Variants in OSBPL3 observed in about 807,000 individuals in gnomAD.
The protein encoded by OSBPL3 is oxysterol binding protein like 3.
A neutral mutation model predicts 120.1 loss-of-function variants in OSBPL3; 65 were observed. The ratio of observed to expected loss-of-function variants is 0.54; its 90% CI spans 0.44 to 0.67. The LOEUF (loss-of-function observed/expected upper bound fraction) is 0.67, where lower values mean the gene tolerates loss of function less well. OSBPL3 is among the 30% of genes least tolerant of loss of function. The probability of loss-of-function intolerance (pLI) is 0.00; values close to 1 mark genes in which losing one functional copy is unlikely to be tolerated. For missense variants in OSBPL3, 1,004 were observed against 1,082.1 expected (o/e 0.93, Z 1.01); for synonymous variants, 416 against 402.6 (o/e 1.03, Z -0.40).
intron 1 of OSBPL3, among the ~76,000 whole-genome samples, chr7:24,970,748 A>G (rs1425617514): frequency 6.6e-6 from 1 of 152,202 alleles, no homozygotes; most frequent in Non-Finnish European, 1.5e-5. Context: ...TAATAAAACG[A>G]AAATGTCTGG....
rs556017301 is a variant in OSBPL3, at chr7:24,940,839, T to A, written c.-150+39047A>T. Among the ~76,000 whole-genome samples, 22 of 151,180 alleles carry A rather than the reference T, an allele frequency of 1.5e-4. No homozygotes were observed. Among genetic ancestry groups the A allele is most frequent in the East Asian group, 5.9e-4 (3 of 5,102 alleles). On this transcript the variant is annotated intron_variant, in intron 1 of 22. Transcript: ENST00000313367. This position sits in a 1 kb window ranked among gnomAD's most constrained non-coding sequence, Gnocchi z 4.4. ...TTTTCTTTTTTTTTTTGTGTGTGTG[T>A]GACGGAGTCTCGCTCTGTCGCCCAG...
chr7:24,979,278 T>C (rs73276298), intron 1 of OSBPL3, among the ~76,000 whole-genome samples: 37 of 115,370 alleles, frequency 3.2e-4, no homozygotes, highest in African/African-American at 9.8e-4. Context: ...ACAGTAGTAA[T>C]TGGAAACTAA....
Position 24,947,970 on chromosome 7 carries a change from A to G in OSBPL3, c.-150+31916T>C, listed in dbSNP as rs1029109834. Among the ~76,000 whole-genome samples the G allele has an allele frequency of 1.3e-5, 2 of 152,196 alleles. No individual in the cohort carries two copies. The highest frequency in any genetic ancestry group is 2.4e-5 in the African/African-American group (1 of 41,432). On this transcript the variant is annotated intron_variant, in intron 1 of 22. Transcript: ENST00000313367. This position sits in a 1 kb window ranked among gnomAD's most constrained non-coding sequence, Gnocchi z 4.4. ...ATTAAGCTTTAAGAATGATTTTTTT[A>G]ATCCAATGTTCATTTCTAAATCTTT...
At chr7:24,866,318 C>T in intron 5 of OSBPL3, 81 bp from the exon 6 acceptor site, 1 of 1,023,060 alleles carries the variant, frequency 9.8e-7, no homozygotes, top group Non-Finnish European at 1.5e-6. Flanking sequence ...TGAGGCCACT[C>T]TCAAAATCCT....
At chr7:24,838,616 T>A (rs572625093) in intron 14 of OSBPL3, among the ~76,000 whole-genome samples, 3 of 152,306 alleles carry the variant, frequency 2.0e-5, no homozygotes, top group African/African-American at 7.2e-5. Flanking sequence ...GCTGTGGACT[T>A]AGGTTCTGAA....
At position 24,863,235 on chromosome 7, in the gene OSBPL3, T is replaced by C. The variant is rs1303038000; in HGVS notation, c.835A>G (p.Arg279Gly). The part of the protein sequence containing the change: ...EKRSHRRWRS[R>G]AIGKDAKGTL... Reference sequence around the variant, plus strand: ...CCTTTAGCATCTTTGCCAATAGCTCTGGACCGCCACCTCCTGTGCGATCTT... The same window carrying C: ...CCTTTAGCATCTTTGCCAATAGCTCCGGACCGCCACCTCCTGTGCGATCTT... The change falls in exon 9 of 23, where the codon AGA becomes GGA. Residue 279 changes from arginine to glycine, a missense_variant. By Grantham distance (125) the Arg-to-Gly change is moderately radical. Transcript: ENST00000313367. This position sits in a 1 kb window ranked among gnomAD's most constrained non-coding sequence, Gnocchi z 5.8. 2 of 1,614,216 alleles carry C rather than the reference T, an allele frequency of 1.2e-6. No individual in the cohort carries two copies. The highest frequency in any genetic ancestry group is 1.7e-6 in the Non-Finnish European group (2 of 1,180,000).
chr7:24,975,737 G>C (rs1013406046), intron 1 of OSBPL3, among the ~76,000 whole-genome samples: 1 of 152,036 alleles, frequency 6.6e-6, no homozygotes, highest in African/African-American at 2.4e-5. Flanking sequence ...AAGGAAGGAA[G>C]GACATCAGCA....
chr7:24,823,514 A>C (rs1015800719), intron 16 of OSBPL3, among the ~76,000 whole-genome samples: 8 of 152,202 alleles, frequency 5.3e-5, no homozygotes, highest in African/African-American at 1.9e-4. Flanking sequence ...TAAAGGTAGC[A>C]CTCCAAACCT....
intron 1 of OSBPL3, among the ~76,000 whole-genome samples, chr7:24,929,839 C>T (rs1229306955): frequency 2.0e-5 from 3 of 152,144 alleles, no homozygotes; most frequent in Non-Finnish European, 4.4e-5. Context: ...GCTCACTAAG[C>T]TTTAAATTGT....
chr7:24,945,581 T>C (rs1166651911), intron 1 of OSBPL3, among the ~76,000 whole-genome samples: 3 of 152,218 alleles, frequency 2.0e-5, no homozygotes, highest in Non-Finnish European at 4.4e-5. Flanking sequence ...CCAAATGTGG[T>C]TGAACATGTT....
Position 24,806,225 on chromosome 7 carries a change from G to T in OSBPL3, c.2444+551C>A. ...GCCCGCTTCGGCCTCCCAAAGTGTT[G>T]TTTGTTTTTAATAAAGCCAAATGTA... On this transcript the variant is annotated intron_variant, in intron 21 of 22. Transcript: ENST00000313367. The surrounding 1 kb of genome is among the most constrained non-coding windows in gnomAD (Gnocchi z 5.2). Among the ~76,000 whole-genome samples, 1 of 152,234 alleles carries T rather than the reference G, an allele frequency of 6.6e-6. No homozygotes were observed. The highest frequency in any genetic ancestry group is 1.9e-4 in the East Asian group (1 of 5,202).
At chr7:24,921,997 C>T (rs781712650) in intron 1 of OSBPL3, among the ~76,000 whole-genome samples, 2 of 152,220 alleles carry the variant, frequency 1.3e-5, no homozygotes, top group African/African-American at 4.8e-5. Context: ...TTTTTCACCA[C>T]CTTTATGTCT....
At position 24,871,374 on chromosome 7, in the gene OSBPL3, G is replaced by A. The variant is rs1214322037; in HGVS notation, c.267+368C>T. Reference sequence around the variant, plus strand: ...AACTGCCTGGGATTAATTTGAAAAGGAACTTCTTCACCCAGGGGCTTCTCC... The same window carrying A: ...AACTGCCTGGGATTAATTTGAAAAGAAACTTCTTCACCCAGGGGCTTCTCC... On this transcript the variant is annotated intron_variant, in intron 4 of 22. Transcript: ENST00000313367. The surrounding 1 kb of genome is among the most constrained non-coding windows in gnomAD (Gnocchi z 4.8). Among the ~76,000 whole-genome samples the A allele has an allele frequency of 6.6e-6, 1 of 152,148 alleles. No individual in the cohort carries two copies. Among genetic ancestry groups the A allele is most frequent in the Non-Finnish European group, 1.5e-5 (1 of 68,006 alleles).
intron 1 of OSBPL3, among the ~76,000 whole-genome samples, chr7:24,914,518 A>G (rs1809277896): frequency 6.6e-6 from 1 of 152,118 alleles, no homozygotes; most frequent in Admixed American, 6.5e-5. Context: ...ATTCTAAACC[A>G]CTTATTTTCT....
At chr7:24,945,695 T>G (rs1813643151) in intron 1 of OSBPL3, among the ~76,000 whole-genome samples, 1 of 152,204 alleles carries the variant, frequency 6.6e-6, no homozygotes, top group Non-Finnish European at 1.5e-5. Flanking sequence ...AGAGTCCCTT[T>G]GCAACTCATT....
rs1804059101 is a variant in OSBPL3, at chr7:24,883,773, G to C, written c.96+8604C>G. 6.6e-6 allele frequency among the ~76,000 whole-genome samples: 1 copy of C among 152,170 alleles called. No individual in the cohort carries two copies. Among genetic ancestry groups the C allele is most frequent in the Admixed American group, 6.5e-5 (1 of 15,286 alleles). On this transcript the variant is annotated intron_variant, in intron 2 of 22. Transcript: ENST00000313367. The surrounding 1 kb of genome is among the most constrained non-coding windows in gnomAD (Gnocchi z 5.4). Reference sequence around the variant, plus strand: ...TGACAGTCTGTCATTTGTGGATGTGGAGAGGAACAAAGAAGTCCTGACAAC... The same window carrying C: ...TGACAGTCTGTCATTTGTGGATGTGCAGAGGAACAAAGAAGTCCTGACAAC...
chr7:24,919,955 A>G (rs1457343654), intron 1 of OSBPL3, among the ~76,000 whole-genome samples: 1 of 152,086 alleles, frequency 6.6e-6, no homozygotes, highest in African/African-American at 2.4e-5. Context: ...CAAAACCACA[A>G]TGATGTACCA....
At chr7:24,941,041 G>A (rs1277011988) in intron 1 of OSBPL3, among the ~76,000 whole-genome samples, 2 of 152,048 alleles carry the variant, frequency 1.3e-5, no homozygotes, top group African/African-American at 4.8e-5. Flanking sequence ...GGATTGTCTC[G>A]ATCTCCTGAC....
rs1258576946 is a variant in OSBPL3, at chr7:24,896,161, C to T, written c.-149-3540G>A. Among the ~76,000 whole-genome samples, 2 of 152,150 alleles carry T rather than the reference C, an allele frequency of 1.3e-5. No homozygotes were observed. The highest frequency in any genetic ancestry group is 4.8e-5 in the African/African-American group (2 of 41,426). On this transcript the variant is annotated intron_variant, in intron 1 of 22. Coordinates refer to ENST00000313367, the MANE Select transcript of OSBPL3 (RefSeq NM_015550.4). This position sits in a 1 kb window ranked among gnomAD's most constrained non-coding sequence, Gnocchi z 4.4. Reference sequence around the variant, plus strand: ...TCAGTGTTTGATGTGTGACAGAATTCGGTTTGGGATCTGCTTTTGTTTCAA... The same window carrying T: ...TCAGTGTTTGATGTGTGACAGAATTTGGTTTGGGATCTGCTTTTGTTTCAA...
Sources: allele counts gnomAD v4.1 joint callset (sites outside exome capture counted in the v4.1 genomes callset), GRCh38; gene constraint gnomAD v4.1.1; non-coding constraint Gnocchi (gnomAD v3.1); transcripts MANE v1.5; gene names NCBI Gene and HGNC (gene_info 2026-07-23, HGNC 2026-07-21).